Variants in PRR16 observed in about 807,000 individuals in gnomAD.
PRR16 encodes the protein proline rich 16.
PRR16 carries 6 observed loss-of-function variants against 18.2 expected under a neutral mutation model. The observed-to-expected ratio is 0.33, with a 90% CI of 0.18 to 0.65. PRR16 has a LOEUF of 0.65. PRR16 is among the 30% of genes least tolerant of loss of function. The pLI, the probability that PRR16 is intolerant of heterozygous loss-of-function variation, is 0.74. For synonymous variants in PRR16, 151 were observed against 147.8 expected, an observed-to-expected ratio of 1.02 and a Z score of -0.16; for missense variants, 412 against 376.6, an observed-to-expected ratio of 1.09 and a Z score of -0.78.
intron 1 of PRR16, among the ~76,000 whole-genome samples, chr5:120,519,567 G>A (rs972533856): frequency 3.3e-5 from 5 of 152,034 alleles, no homozygotes; most frequent in African/African-American, 1.2e-4. Flanking sequence ...TTCACTCAAT[G>A]AAAATTCCAC....
chr5:120,718,721 A>C, the PRR16 span, among the ~76,000 whole-genome samples: 1 of 152,132 alleles, frequency 6.6e-6, no homozygotes, highest in Non-Finnish European at 1.5e-5. Flanking sequence ...CATGGGGGTG[A>C]ACCTAGAATA....
At chr5:120,591,353 A>C (rs1753629919) in intron 1 of PRR16, among the ~76,000 whole-genome samples, 1 of 152,084 alleles carries the variant, frequency 6.6e-6, no homozygotes, top group Non-Finnish European at 1.5e-5. Context: ...GTCGATTTTC[A>C]CATAATTCTA....
chr5:120,764,853 C>G, the PRR16 span, among the ~76,000 whole-genome samples: 3 of 152,002 alleles, frequency 2.0e-5, no homozygotes, highest in African/African-American at 7.2e-5. Context: ...ATTTATGGTT[C>G]TACTTTGAAA....
chr5:120,645,944 C>T (rs1479911553), intron 1 of PRR16, among the ~76,000 whole-genome samples: 1 of 151,100 alleles, frequency 6.6e-6, no homozygotes, highest in African/African-American at 2.4e-5. Flanking sequence ...TCTCTTATTG[C>T]CCAATATGAG....
At chr5:120,707,754 G>A in the PRR16 span, among the ~76,000 whole-genome samples, 1 of 152,140 alleles carries the variant, frequency 6.6e-6, no homozygotes, top group Non-Finnish European at 1.5e-5. Flanking sequence ...AAAAGAACAA[G>A]TAAAGACAAT....
chr5:120,647,528 C>G (rs1008621822), intron 1 of PRR16, among the ~76,000 whole-genome samples: 1 of 152,026 alleles, frequency 6.6e-6, no homozygotes, highest in Non-Finnish European at 1.5e-5. Context: ...TAGTTTGTCA[C>G]TCTGTATAGA....
intron 1 of PRR16, among the ~76,000 whole-genome samples, chr5:120,490,164 C>G (rs888811240): frequency 6.6e-6 from 1 of 152,000 alleles, no homozygotes; most frequent in Non-Finnish European, 1.5e-5. Context: ...ATCTTTGTGG[C>G]GTTCTCTGTA....
chr5:120,554,715 A>C (rs188861504), intron 1 of PRR16, among the ~76,000 whole-genome samples: 5 of 152,048 alleles, frequency 3.3e-5, no homozygotes, highest in African/African-American at 1.2e-4. Context: ...CAGCCTTCCC[A>C]GCTTACATTA....
At chr5:120,684,592 C>T (rs922634295) in intron 1 of PRR16, among the ~76,000 whole-genome samples, 2 of 152,170 alleles carry the variant, frequency 1.3e-5, no homozygotes, top group Non-Finnish European at 2.9e-5. Context: ...ATGTGTATAA[C>T]AGTGCAGGTA....
chr5:120,571,021 T>A (rs997975144), intron 1 of PRR16, among the ~76,000 whole-genome samples: 2 of 152,128 alleles, frequency 1.3e-5, no homozygotes, highest in Admixed American at 1.3e-4. Context: ...GTTATTGTGA[T>A]GTTATTTTAT....
chr5:120,739,847 G>A, the PRR16 span, among the ~76,000 whole-genome samples: 1 of 152,028 alleles, frequency 6.6e-6, no homozygotes, highest in East Asian at 1.9e-4. Context: ...CAGGTTCAAG[G>A]CAGTAGAGTT....
chr5:120,504,178 C>T (rs558061517), intron 1 of PRR16, among the ~76,000 whole-genome samples: 27 of 152,280 alleles, frequency 1.8e-4, no homozygotes, highest in African/African-American at 6.0e-4. Context: ...TCCCCACTCC[C>T]GATATTTGGC....
chr5:120,716,382 A>G, the PRR16 span, among the ~76,000 whole-genome samples: 5 of 152,164 alleles, frequency 3.3e-5, no homozygotes, highest in Non-Finnish European at 2.9e-5. Context: ...TATTTCCACT[A>G]TCTACTCCAT....
At chr5:120,765,676 A>G in the PRR16 span, among the ~76,000 whole-genome samples, 30 of 152,018 alleles carry the variant, frequency 2.0e-4, no homozygotes, top group Non-Finnish European at 1.9e-4. Context: ...TTACAACTCA[A>G]TGAATTTTCT....
At chr5:120,600,112 T>G (rs1250944290) in intron 1 of PRR16, among the ~76,000 whole-genome samples, 1 of 151,898 alleles carries the variant, frequency 6.6e-6, no homozygotes, top group Non-Finnish European at 1.5e-5. Context: ...TATGATTCCA[T>G]TTCAGGGAAA....
At chr5:120,758,977 T>TC in the PRR16 span, among the ~76,000 whole-genome samples, 14 of 142,662 alleles carry the variant, frequency 9.8e-5, no homozygotes, top group East Asian at 1.0e-3. Flanking sequence ...ATAATTTCTT[T>TC]TTTTTTTTTT....
chr5:120,632,316 G>A (rs1269941271), intron 1 of PRR16, among the ~76,000 whole-genome samples: 1 of 151,894 alleles, frequency 6.6e-6, no homozygotes, highest in African/African-American at 2.4e-5. Flanking sequence ...GGCAAAACAA[G>A]GTTCTTTAAC....
chr5:120,702,936 C>G, the PRR16 span, among the ~76,000 whole-genome samples: 22 of 152,268 alleles, frequency 1.4e-4, no homozygotes, highest in South Asian at 4.6e-3. Flanking sequence ...GGGAGGTCCC[C>G]CGATCCGAGT....
At chr5:120,541,989 C>T (rs569586206) in intron 1 of PRR16, among the ~76,000 whole-genome samples, 1 of 151,886 alleles carries the variant, frequency 6.6e-6, no homozygotes, top group South Asian at 2.1e-4. Flanking sequence ...AGCAATATAG[C>T]TTCTTGATAC....
Sources: gnomAD v4.1 joint callset for allele counts (sites outside exome capture counted in the v4.1 genomes callset) on GRCh38, gnomAD v4.1.1 for gene constraint, MANE v1.5 for transcripts, NCBI Gene and HGNC (gene_info 2026-07-23, HGNC 2026-07-21) for gene names.